TTC28: variants seen among roughly 807,000 people sequenced by gnomAD.
TTC28 encodes tetratricopeptide repeat domain 28, also known as tetratricopeptide repeat protein 28.
Under a neutral mutation model 198.0 loss-of-function variants are expected in TTC28, and 61 were observed. The observed-to-expected ratio is 0.31, with a 90% CI of 0.25 to 0.38. The LOEUF (loss-of-function observed/expected upper bound fraction) is 0.38. Ranked by LOEUF, TTC28 falls within the 10% of genes least tolerant of loss-of-function variation. TTC28 has a pLI of 1.00. For synonymous variants in TTC28, 1,171 were observed against 1,297.8 expected (o/e 0.90, Z 2.10); for missense variants, 2,678 against 3,164.0 (o/e 0.85, Z 3.69).
intron 1 of TTC28, among the ~76,000 whole-genome samples, chr22:28,673,434 C>G (rs937659019): frequency 3.9e-5 from 6 of 152,140 alleles, no homozygotes; most frequent in Admixed American, 2.6e-4. Context: ...TAGCTTCCCC[C>G]CCTTACCTGG....
At chr22:28,302,456 A>C (rs1043317705) in intron 3 of TTC28, among the ~76,000 whole-genome samples, 1 of 152,198 alleles carries the variant, frequency 6.6e-6, no homozygotes, top group African/African-American at 2.4e-5. Context: ...CACACTGCAG[A>C]GGAAAAGGCA....
At chr22:28,291,182 C>T (rs1457754200) in intron 5 of TTC28, among the ~76,000 whole-genome samples, 1 of 151,680 alleles carries the variant, frequency 6.6e-6, no homozygotes, top group Non-Finnish European at 1.5e-5. Context: ...ATTTATGGGG[C>T]AAGGGGACAA....
At chr22:28,581,134 T>A (rs1372663306) in intron 2 of TTC28, among the ~76,000 whole-genome samples, 1 of 152,108 alleles carries the variant, frequency 6.6e-6, no homozygotes, top group Non-Finnish European at 1.5e-5. Context: ...GGGGGCAGAT[T>A]TCCCCCTTGT....
intron 2 of TTC28, among the ~76,000 whole-genome samples, chr22:28,397,128 G>A (rs969314838): frequency 1.3e-5 from 2 of 151,772 alleles, no homozygotes; most frequent in African/African-American, 2.4e-5. Context: ...ACATGCTGGC[G>A]ATAAAGTTAA....
chr22:28,378,036 T>A (rs1385202187), intron 2 of TTC28, among the ~76,000 whole-genome samples: 1 of 152,138 alleles, frequency 6.6e-6, no homozygotes. Context: ...AAATGCAATG[T>A]CTCACATTTA....
At position 28,003,699 on chromosome 22, in the gene TTC28, C is replaced by T. The variant is rs192016185; in HGVS notation, c.4219-2146G>A. Among the ~76,000 whole-genome samples the T allele has an allele frequency of 1.1e-4, 16 of 152,364 alleles. No individual in the cohort carries two copies. In the East Asian group the frequency reaches 1.9e-3, roughly 18 times the overall value. Reference sequence around the variant, plus strand: ...AATGGAGAAGTGAGGCTGGAATCCACGCAGAGCAAACATTCACTGGCAGCC... The same window carrying T: ...AATGGAGAAGTGAGGCTGGAATCCATGCAGAGCAAACATTCACTGGCAGCC... On this transcript the variant is annotated intron_variant, in intron 14 of 22. Coordinates refer to ENST00000397906, the MANE Select transcript of TTC28 (RefSeq NM_001145418.2).
At chr22:28,436,850 A>T (rs557536784) in intron 2 of TTC28, among the ~76,000 whole-genome samples, 11 of 152,322 alleles carry the variant, frequency 7.2e-5, no homozygotes, top group Non-Finnish European at 1.6e-4. Flanking sequence ...CCTCTCCATC[A>T]TGCTACAACC....
intron 2 of TTC28, among the ~76,000 whole-genome samples, chr22:28,618,675 C>T (rs1345985074): frequency 2.2e-5 from 3 of 136,894 alleles, no homozygotes; most frequent in South Asian, 2.3e-4. Flanking sequence ...GAGCAAGACT[C>T]TGTCTCCAAA....
intron 1 of TTC28, among the ~76,000 whole-genome samples, chr22:28,662,078 C>T (rs565147810): frequency 2.0e-5 from 3 of 152,246 alleles, no homozygotes; most frequent in East Asian, 1.9e-4. Context: ...AATTACACTG[C>T]TCACATTGTA....
intron 2 of TTC28, among the ~76,000 whole-genome samples, chr22:28,409,819 G>T (rs2047054977): frequency 6.6e-6 from 1 of 151,838 alleles, no homozygotes; most frequent in Admixed American, 6.6e-5. Context: ...ACCATGCCCA[G>T]CTAATTTTTT....
At chr22:28,503,040 C>T (rs2048558310) in intron 2 of TTC28, among the ~76,000 whole-genome samples, 1 of 152,052 alleles carries the variant, frequency 6.6e-6, no homozygotes, top group Admixed American at 6.6e-5. Flanking sequence ...TTTTTTTCTA[C>T]TAAAAAAGAA....
chr22:28,595,266 G>C (rs1335440369), intron 2 of TTC28, among the ~76,000 whole-genome samples: 1 of 152,058 alleles, frequency 6.6e-6, no homozygotes, highest in African/African-American at 2.4e-5. Flanking sequence ...CCATCTTTTT[G>C]TAGAAAAGTA....
intron 6 of TTC28, among the ~76,000 whole-genome samples, chr22:28,109,951 T>G (rs1332878685): frequency 6.6e-6 from 1 of 152,218 alleles, no homozygotes; most frequent in African/African-American, 2.4e-5. Context: ...CCTCCCCAAT[T>G]TGTGTATCTC....
chr22:28,597,029 G>GT (rs1306751884), intron 2 of TTC28, among the ~76,000 whole-genome samples: 2 of 152,056 alleles, frequency 1.3e-5, no homozygotes, highest in African/African-American at 4.8e-5. Context: ...AGCCTCAAGG[G>GT]TAATACCGAG....
intron 2 of TTC28, among the ~76,000 whole-genome samples, chr22:28,356,189 T>C (rs1443898682): frequency 6.6e-6 from 1 of 152,242 alleles, no homozygotes; most frequent in Non-Finnish European, 1.5e-5. Flanking sequence ...CCCTATCTTC[T>C]ACTCCAGCTA....
chr22:27,993,625 C>T, intron 17 of TTC28, 107 bp from the exon 18 acceptor site: 1 of 1,167,076 alleles, frequency 8.6e-7, no homozygotes, highest in Non-Finnish European at 1.2e-6. Flanking sequence ...CTGACTGCTG[C>T]AACCCCACAT....
intron 2 of TTC28, among the ~76,000 whole-genome samples, chr22:28,370,116 C>A (rs1163802142): frequency 6.6e-6 from 1 of 152,124 alleles, no homozygotes; most frequent in East Asian, 1.9e-4. Context: ...TGCAAGGGGA[C>A]AGAGAGCTAT....
chr22:28,571,974 A>C (rs1255016475), intron 2 of TTC28, among the ~76,000 whole-genome samples: 2 of 145,134 alleles, frequency 1.4e-5, no homozygotes, highest in Non-Finnish European at 3.0e-5. Context: ...AAAAACAAAC[A>C]AAAAAAAAAC....
chr22:28,379,455 A>G (rs894187900), intron 2 of TTC28, among the ~76,000 whole-genome samples: 1 of 152,240 alleles, frequency 6.6e-6, no homozygotes, highest in African/African-American at 2.4e-5. Context: ...AAAAGAAAGG[A>G]AAATATGGCA....
Sources: allele counts gnomAD v4.1 joint callset (sites outside exome capture counted in the v4.1 genomes callset), GRCh38; gene constraint gnomAD v4.1.1; transcripts MANE v1.5; gene names NCBI Gene and HGNC (gene_info 2026-07-23, HGNC 2026-07-21).